AGT: variants seen among roughly 807,000 people sequenced by gnomAD.
The protein encoded by AGT is angiotensinogen.
A neutral mutation model predicts 28.1 loss-of-function variants in AGT; 26 were observed. That is an observed-to-expected ratio of 0.92 (90% CI 0.68 to 1.28). AGT has a LOEUF of 1.28. Ranked by LOEUF, AGT falls within the 50% of genes most tolerant of loss-of-function variation. AGT has a pLI of 0.00. For synonymous variants in AGT, 259 were observed against 259.6 expected (o/e 1.00, Z 0.02); for missense variants, 596 against 592.3 (o/e 1.01, Z -0.06).
chr1:230,709,853 C>G, intron 2 of AGT, 142 bp downstream of exon 2: 1 of 1,256,376 alleles, frequency 8.0e-7, no homozygotes, highest in Non-Finnish European at 1.2e-6. Flanking sequence ...GCGGAGCAGC[C>G]ACTTCCCCAC....
rs143109543 is a variant in AGT at position 230,731,666 on chromosome 1, G to C, written c.-31+13849C>G. Among the ~76,000 whole-genome samples the C allele has an allele frequency of 2.4e-3, 358 of 152,280 alleles. 2 individuals carry two copies. Among genetic ancestry groups the C allele is most frequent in the African/African-American group, 8.3e-3 (344 of 41,558 alleles). On this transcript the variant is annotated intron_variant, in intron 1 of 4. Coordinates refer to the AGT transcript ENST00000681269. ...GGATCACTTGAGGTTAGGAGCTCAA[G>C]ACCAGTCTGGCCAACATGGTGAAAC...
intron 1 of AGT, among the ~76,000 whole-genome samples, chr1:230,742,467 C>G (rs73102701): frequency 0.074 from 11,305 of 152,072 alleles, 609 homozygotes; most frequent in East Asian, 0.14. Context: ...AGGTGCCCAC[C>G]ACTATGCCTG....
rs143545998 is a variant in AGT at position 230,710,765 on chromosome 1, C to T, written c.59G>A (p.Gly20Asp). Reference protein sequence around the residue: ...ATILCLLAWAGLAAGDRVYIH... With the variant: ...ATILCLLAWADLAAGDRVYIH... ...GTACACCCGGTCACCTGCAGCCAGGCCAGCCCAGGCCAGGAGGCAGAGGAT... is the reference window on the plus strand; with the variant it reads ...GTACACCCGGTCACCTGCAGCCAGGTCAGCCCAGGCCAGGAGGCAGAGGAT... Residue 20 changes from glycine to aspartate, a missense_variant, in exon 2 of 5, where the codon GGC becomes GAC. By Grantham distance (94) the Gly-to-Asp change is moderately conservative. Transcript: ENST00000366667. 3.7e-6 allele frequency: 6 copies of T among 1,613,982 alleles called. No homozygotes were observed. In the African/African-American group the frequency reaches 8.0e-5, roughly 22 times the overall value.
chr1:230,742,282 A>C (rs1664260925), intron 1 of AGT, among the ~76,000 whole-genome samples: 1 of 152,158 alleles, frequency 6.6e-6, no homozygotes, highest in South Asian at 2.1e-4. Flanking sequence ...AAATGCTGGC[A>C]TACTCTACAT....
intron 1 of AGT, among the ~76,000 whole-genome samples, chr1:230,744,154 G>A (rs1333967701): frequency 6.6e-6 from 1 of 152,170 alleles, no homozygotes; most frequent in African/African-American, 2.4e-5. Flanking sequence ...GAGCCACTCA[G>A]GGCATTTCCC....
intron 1 of AGT, among the ~76,000 whole-genome samples, chr1:230,723,459 G>A (rs1461987709): frequency 6.6e-6 from 1 of 152,134 alleles, no homozygotes; most frequent in East Asian, 1.9e-4. Context: ...TTGAATTTTG[G>A]CTCCCTCTTT....
upstream of AGT, among the ~76,000 whole-genome samples, chr1:230,716,913 A>G (rs551787204): frequency 6.6e-5 from 10 of 151,656 alleles, no homozygotes; most frequent in East Asian, 2.0e-4. Context: ...ATATGTAGGG[A>G]AAAAAAAGAG....
chr1:230,728,580 G>GAT (rs1273667925), intron 1 of AGT, among the ~76,000 whole-genome samples: 1 of 152,116 alleles, frequency 6.6e-6, no homozygotes, highest in Non-Finnish European at 1.5e-5. Context: ...TACCTGTTAA[G>GAT]ATATAACTGG....
chr1:230,723,514 T>G (rs1663884572), intron 1 of AGT, among the ~76,000 whole-genome samples: 2 of 152,336 alleles, frequency 1.3e-5, no homozygotes, highest in African/African-American at 4.8e-5. Context: ...GTTTTGTTTT[T>G]AGGGGAGTCA....
In AGT at chr1:230,706,169, C is replaced by T. The variant is rs61762531; in HGVS notation, c.861G>A (p.Glu287=). 125 of 1,613,748 alleles carry T rather than the reference C, an allele frequency of 7.7e-5. No individual in the cohort carries two copies. Among genetic ancestry groups the T allele is most frequent in the Non-Finnish European group, 6.4e-5 (76 of 1,179,802 alleles). The stretch of plus-strand genomic sequence containing the variant: ...TGTTGTCCACCCAGAACTCCTGGGG[C>T]TCGGCCAGCAGGGAGAAGCCCTTCA... ...GKMKGFSLLA[E]PQEFWVDNST... is the part of the protein sequence containing the mutation. Residue 287 remains glutamate, a synonymous_variant, in exon 3 of 5, where the codon GAG becomes GAA. Transcript: ENST00000366667.
rs931407414 is a variant in AGT, at chr1:230,702,641, A to C, written c.*500T>G. The C allele has an allele frequency of 3.1e-5, 5 of 160,692 alleles. No homozygotes were observed. Among genetic ancestry groups the C allele is most frequent in the Non-Finnish European group, 6.9e-5 (5 of 72,218 alleles). The allele number at this position is 160,692 out of a possible 1,614,324, so 10.0% of individuals were successfully genotyped here. ...TGCATCTTTCACGTATTGTTCAAAA[A>C]TCACAAGCATCTGTGGAAAAAACTA... On this transcript the variant is annotated 3_prime_UTR_variant, in exon 5 of 5. Coordinates refer to ENST00000366667, the MANE Select transcript of AGT (RefSeq NM_001384479.1).
intron 1 of AGT, among the ~76,000 whole-genome samples, chr1:230,742,664 G>C (rs1243330027): frequency 6.6e-6 from 1 of 152,176 alleles, no homozygotes; most frequent in Non-Finnish European, 1.5e-5. Context: ...TCCCACATCA[G>C]TGTATGCAGA....
chr1:230,718,722 C>CTTTTTTTTTTTTTTTTTTT (rs1228887131), upstream of AGT, among the ~76,000 whole-genome samples: 8 of 118,448 alleles, frequency 6.8e-5, 1 homozygote, highest in African/African-American at 2.7e-4. Flanking sequence ...TTCCACACCG[C>CTTTTTTTTTTTTTTTTTTT]TTTTTTTTTT....
At chr1:230,719,983 A>G (rs927721395) in intron 1 of AGT, among the ~76,000 whole-genome samples, 10 of 152,172 alleles carry the variant, frequency 6.6e-5, no homozygotes, top group Non-Finnish European at 1.5e-5. Flanking sequence ...TGTCTCCCTG[A>G]GATGGCTTTA....
At chr1:230,739,596 C>T (rs1475567878) in intron 1 of AGT, among the ~76,000 whole-genome samples, 6 of 152,056 alleles carry the variant, frequency 3.9e-5, no homozygotes, top group East Asian at 1.9e-4. Flanking sequence ...GCTGAGCTTC[C>T]GGGGTAATTA....
intron 1 of AGT, among the ~76,000 whole-genome samples, chr1:230,742,706 G>C (rs914797907): frequency 3.3e-5 from 5 of 152,158 alleles, no homozygotes; most frequent in African/African-American, 1.2e-4. Context: ...GCTGTACACT[G>C]TTCCACTTCA....
At chr1:230,717,113 G>A (rs1373238832), upstream of AGT, among the ~76,000 whole-genome samples, 3 of 147,194 alleles carry the variant, frequency 2.0e-5, no homozygotes, top group Non-Finnish European at 4.5e-5. Flanking sequence ...TGAGCTCCAG[G>A]TTGGGTCAAA....
intron 1 of AGT, among the ~76,000 whole-genome samples, chr1:230,744,008 G>C (rs1382415624): frequency 1.3e-5 from 2 of 152,228 alleles, no homozygotes; most frequent in Non-Finnish European, 2.9e-5. Flanking sequence ...CTAAAGAGAA[G>C]AAAATACACT....
chr1:230,708,525 T>C (rs1663461332), intron 2 of AGT, among the ~76,000 whole-genome samples: 1 of 151,672 alleles, frequency 6.6e-6, no homozygotes, highest in Admixed American at 6.6e-5. Context: ...ATCTATCACC[T>C]CTCCCTGAAC....
Sources: allele counts gnomAD v4.1 joint callset (sites outside exome capture counted in the v4.1 genomes callset), GRCh38; gene constraint gnomAD v4.1.1; transcripts MANE v1.5; gene names NCBI Gene and HGNC (gene_info 2026-07-23, HGNC 2026-07-21).